Variants in ERVFRD-1 observed in about 807,000 individuals in gnomAD.
The protein encoded by ERVFRD-1 is endogenous retrovirus group FRD member 1, envelope.
In ERVFRD-1, 33 loss-of-function variants were observed where a neutral mutation model predicts 43.8. The observed-to-expected ratio is 0.75, with a 90% confidence interval of 0.57 to 1.01. ERVFRD-1 has a LOEUF of 1.01. Among genes scored for constraint, ERVFRD-1 ranks in the 50% least tolerant of loss-of-function variants. ERVFRD-1 has a pLI of 0.00. For missense variants in ERVFRD-1, 568 were observed against 658.4 expected (o/e 0.86, Z 1.50); for synonymous variants, 239 against 244.4 (o/e 0.98, Z 0.21).
At chr6:11,108,560 C>G (rs916099810) in intron 1 of ERVFRD-1, among the ~76,000 whole-genome samples, 1 of 152,182 alleles carries the variant, frequency 6.6e-6, no homozygotes, top group African/African-American at 2.4e-5. Context: ...TGGCTCCCCA[C>G]AGAAGTAGCA....
chr6:11,110,852 A>T (rs561098310), intron 1 of ERVFRD-1, among the ~76,000 whole-genome samples: 1 of 152,142 alleles, frequency 6.6e-6, no homozygotes, highest in Non-Finnish European at 1.5e-5. Context: ...CTTCCCCACA[A>T]AGGGGTGCTA....
At chr6:11,108,614 C>G (rs1758123140) in intron 1 of ERVFRD-1, among the ~76,000 whole-genome samples, 1 of 152,156 alleles carries the variant, frequency 6.6e-6, no homozygotes, top group Non-Finnish European at 1.5e-5. Flanking sequence ...AGGTGGCTGG[C>G]AGGTTTGCAG....
Position 11,104,898 on chromosome 6 carries a change from C to T in ERVFRD-1, c.413G>A (p.Gly138Asp), listed in dbSNP as rs1758060568. The change falls in exon 2 of 2, where the codon GGC becomes GAC. Residue 138 changes from glycine to aspartate, a missense_variant. Physicochemically the swap from Gly to Asp is moderately conservative, Grantham distance 94. Coordinates refer to ENST00000472091, the MANE Select transcript of ERVFRD-1 (RefSeq NM_207582.3). ...ATTACAGACTGTACTTGGAAGAGTGCCTACATTTGTTCCATTTTTCCTTTT... is the reference window on the plus strand; with the variant it reads ...ATTACAGACTGTACTTGGAAGAGTGTCTACATTTGTTCCATTTTTCCTTTT... ...MAKRKNGTNVGTLPSTVCNVT... is the reference protein window; with the variant it reads ...MAKRKNGTNVDTLPSTVCNVT... 6.2e-7 allele frequency: 1 copy of T among 1,614,134 alleles called. No homozygotes were observed. Among genetic ancestry groups the T allele is most frequent in the Non-Finnish European group, 8.5e-7 (1 of 1,180,032 alleles).
chr6:11,108,806 G>A (rs1187483105), intron 1 of ERVFRD-1, among the ~76,000 whole-genome samples: 2 of 152,206 alleles, frequency 1.3e-5, no homozygotes, highest in Middle Eastern at 3.2e-3. Context: ...TGTTGTTTGA[G>A]TTAGGGAAAT....
intron 1 of ERVFRD-1, among the ~76,000 whole-genome samples, chr6:11,107,269 A>C (rs539106929): frequency 7.2e-5 from 11 of 152,242 alleles, no homozygotes; most frequent in Non-Finnish European, 1.5e-4. Flanking sequence ...ACACTGCTCA[A>C]CTGTTACCTA....
Position 11,108,532 on chromosome 6 carries a change from C to G in ERVFRD-1, c.-320-2902G>C, listed in dbSNP as rs529609731. Among the ~76,000 whole-genome samples, 8 of 152,290 alleles carry G rather than the reference C, an allele frequency of 5.3e-5. No individual in the cohort carries two copies. The East Asian group carries it at 1.4e-3, about 26-fold the overall frequency. On this transcript the variant is annotated intron_variant, in intron 1 of 1. Coordinates refer to ENST00000472091, the MANE Select transcript of ERVFRD-1 (RefSeq NM_207582.3). ...GTGGGTGTCCCCATCAGTTTGGGCA[C>G]TGCCTTCTTGTGTGGCCTGGCTCCC... is the stretch of plus-strand genomic sequence containing the variant.
chr6:11,106,049 A>G (rs1758078583), intron 1 of ERVFRD-1, among the ~76,000 whole-genome samples: 1 of 152,142 alleles, frequency 6.6e-6, no homozygotes, highest in South Asian at 2.1e-4. Flanking sequence ...ACTTTTCCTG[A>G]AGATTACAGT....
rs1758029100 is a variant in ERVFRD-1 at position 11,103,463 on chromosome 6, A to G, written c.*231T>C. 8.9e-6 allele frequency: 5 copies of G among 559,098 alleles called. No homozygotes were observed. Among genetic ancestry groups the G allele is most frequent in the African/African-American group, 3.7e-5 (2 of 54,066 alleles). 34.6% of individuals were successfully genotyped at this position (559,098 alleles called of 1,614,324 possible). A position where few individuals can be genotyped will look rare whatever the true frequency, so the allele number is the denominator to read the frequency against. On this transcript the variant is annotated 3_prime_UTR_variant, in exon 2 of 2. Transcript: ENST00000472091. ...CCTGCTCCAACATTTCCCCCCCTCA[A>G]GAGTCCAAGACCCAATTATCTGGGA...
In ERVFRD-1 at chr6:11,104,190, A is replaced by C; in HGVS notation, c.1121T>G (p.Ile374Ser). ...LAGTGTGIAG[I>S]TKASLTYSQL... ...GCTATAGGTGAGGGAAGCTTTTGTG[A>C]TTCCAGCAATTCCGGTTCCCGTACC... Residue 374 changes from isoleucine (I) to serine (S), a missense_variant, in exon 2 of 2, where the codon ATC becomes AGC. Ile to Ser is a moderately radical substitution (Grantham distance 142). Transcript: ENST00000472091. The C allele has an allele frequency of 1.3e-6, 2 of 1,551,650 alleles. No homozygotes were observed. The highest frequency in any genetic ancestry group is 1.7e-6 in the Non-Finnish European group (2 of 1,146,984).
In ERVFRD-1 at chr6:11,104,835, TG is replaced by T; in HGVS notation, c.475del (p.Gln159LysfsTer28). The T allele has an allele frequency of 6.2e-7, 1 of 1,614,246 alleles. No individual in the cohort carries two copies. The highest frequency in any genetic ancestry group is 8.5e-7 in the Non-Finnish European group (1 of 1,180,050). Reference protein sequence around the residue: ...FTVDSNQQTYQTYTHNQFRHQ... With the variant: ...FTVDSNQQTYXTYTHNQFRHQ... ...GCGGAATTGGTTGTGGGTGTATGTT[TG>T]GTAAGTCTGTTGGTTAGAATCTACA... On this transcript the variant is annotated frameshift_variant, in exon 2 of 2. Transcript: ENST00000472091. LOFTEE classifies it high-confidence loss of function.
rs780882196 is a variant in ERVFRD-1, at chr6:11,103,674, G to A, written c.*20C>T. The A allele has an allele frequency of 3.7e-5, 57 of 1,525,900 alleles. No individual in the cohort carries two copies. The Admixed American group carries it at 8.6e-4, about 23-fold the overall frequency. The allele number at this position is 1,525,900 out of a possible 1,614,324, so 94.5% of individuals were successfully genotyped here. On this transcript the variant is annotated 3_prime_UTR_variant, in exon 2 of 2. Transcript: ENST00000472091. The stretch of plus-strand genomic sequence containing the variant: ...TTCGCCTCTGTCGTGTTCCACTAGC[G>A]AGCAGTCTAGGGGTCCTCCTTAGAA...
intron 1 of ERVFRD-1, among the ~76,000 whole-genome samples, chr6:11,107,415 G>A (rs1009197648): frequency 6.6e-6 from 1 of 152,162 alleles, no homozygotes; most frequent in East Asian, 1.9e-4. Context: ...AGATTAACAG[G>A]TCATCCATGT....
rs1357432284 is a variant in ERVFRD-1 at position 11,105,531 on chromosome 6, G to A, written c.-221C>T. On this transcript the variant is annotated 5_prime_UTR_variant, in exon 2 of 2. Transcript: ENST00000472091. The stretch of plus-strand genomic sequence containing the variant: ...TTCCAGTGCCTTGCAAGTGTATTCC[G>A]GAGCTGAGGTTGCTGGTTCTGGCTC... 6 of 497,392 alleles carry A rather than the reference G, an allele frequency of 1.2e-5. No homozygotes were observed. The highest frequency in any genetic ancestry group is 5.7e-5 in the South Asian group (2 of 34,982). The allele number at this position is 497,392 out of a possible 1,614,324, so 30.8% of individuals were successfully genotyped here. A position where few individuals can be genotyped will look rare whatever the true frequency, so the allele number is the denominator to read the frequency against.
At position 11,104,148 on chromosome 6, in the gene ERVFRD-1, A is replaced by G. The variant is rs528010611; in HGVS notation, c.1163T>C (p.Ile388Thr). 49 of 1,551,632 alleles carry G rather than the reference A, an allele frequency of 3.2e-5. 2 individuals carry two copies. The South Asian group carries it at 4.0e-4, about 13-fold the overall frequency. Reference protein sequence around the residue: ...SLTYSQLSKEIANNIDTMAKA... With the variant: ...SLTYSQLSKETANNIDTMAKA... ...AGCCATGGTGTCAATGTTGTTGGCT[A>G]TTTCCTTTGAGAGCTGGCTATAGGT... The change falls in exon 2 of 2, where the codon ATA becomes ACA. Residue 388 changes from isoleucine to threonine, a missense_variant. Ile to Thr is a moderately conservative substitution (Grantham distance 89, BLOSUM62 -1). Transcript: ENST00000472091.
chr6:11,104,684 A>C lies in ERVFRD-1; in HGVS notation c.627T>G (p.Pro209=). 1 of 1,614,264 alleles carries C rather than the reference A, an allele frequency of 6.2e-7. No individual in the cohort carries two copies. The highest frequency in any genetic ancestry group is 8.5e-7 in the Non-Finnish European group (1 of 1,180,048). The part of the protein sequence containing the change: ...SCSTRNFWFR[P]ADYNQCLQIS... ...TTTGCAGACATTGGTTATAATCAGC[A>C]GGCCGGAACCAGAAGTTTCGAGTAC... The change falls in exon 2 of 2, where the codon CCT becomes CCG. Residue 209 remains proline (P), a synonymous_variant. Transcript: ENST00000472091.
At chr6:11,108,784 C>T (rs1390591065) in intron 1 of ERVFRD-1, among the ~76,000 whole-genome samples, 1 of 152,180 alleles carries the variant, frequency 6.6e-6, no homozygotes, top group African/African-American at 2.4e-5. Flanking sequence ...GGTGTTTCCT[C>T]CTAATATCTG....
At chr6:11,107,873 G>A (rs1179935245) in intron 1 of ERVFRD-1, among the ~76,000 whole-genome samples, 3 of 152,220 alleles carry the variant, frequency 2.0e-5, no homozygotes, top group Middle Eastern at 6.4e-3. Flanking sequence ...AGCTGAAGAG[G>A]AAACTGCCTT....
rs1758029807 is a variant in ERVFRD-1 at position 11,103,516 on chromosome 6, CT to C, written c.*177del. The C allele has an allele frequency of 5.5e-6, 5 of 911,632 alleles. No homozygotes were observed. The East Asian group carries it at 1.3e-4, about 25-fold the overall frequency. 56.5% of individuals were successfully genotyped at this position (911,632 alleles called of 1,614,324 possible). A position where few individuals can be genotyped will look rare whatever the true frequency, so the allele number is the denominator to read the frequency against. On this transcript the variant is annotated 3_prime_UTR_variant, in exon 2 of 2. Coordinates refer to ENST00000472091, the MANE Select transcript of ERVFRD-1 (RefSeq NM_207582.3). ...ATGGACGAAGGTCAGTCTTCTTTAACTGCTTCCTGCTGACAGAGGGGCTGTA... is the reference window on the plus strand; with the variant it reads ...ATGGACGAAGGTCAGTCTTCTTTAACGCTTCCTGCTGACAGAGGGGCTGTA...
chr6:11,106,789 T>G (rs996825869), intron 1 of ERVFRD-1, among the ~76,000 whole-genome samples: 3 of 152,218 alleles, frequency 2.0e-5, no homozygotes, highest in Non-Finnish European at 4.4e-5. Flanking sequence ...TCCTTTACTG[T>G]GCACTATTGT....
Sources: allele counts gnomAD v4.1 joint callset (sites outside exome capture counted in the v4.1 genomes callset), GRCh38; gene constraint gnomAD v4.1.1; transcripts MANE v1.5; gene names NCBI Gene and HGNC (gene_info 2026-07-23, HGNC 2026-07-21).